Variants in ZNF710 observed in about 807,000 individuals in gnomAD.
The protein encoded by ZNF710 is zinc finger protein 710.
Under a neutral mutation model 50.6 loss-of-function variants are expected in ZNF710, and 13 were observed. The observed-to-expected ratio is 0.26, with a 90% CI of 0.17 to 0.41. The LOEUF is 0.41. Among genes scored for constraint, ZNF710 ranks in the 10% least tolerant of loss-of-function variants. ZNF710 has a pLI of 1.00. For synonymous variants in ZNF710, 383 were observed against 397.0 expected (o/e 0.96, Z 0.42); for missense variants, 721 against 936.6 (o/e 0.77, Z 3.01).
intron 1 of ZNF710, among the ~76,000 whole-genome samples, chr15:90,035,549 G>T (rs1341014085): frequency 6.6e-6 from 1 of 152,244 alleles, no homozygotes; most frequent in Non-Finnish European, 1.5e-5. Context: ...CTAACATCCG[G>T]CAGACCCTGG....
At chr15:90,065,297 G>A (rs894925004) in intron 1 of ZNF710, among the ~76,000 whole-genome samples, 6 of 152,234 alleles carry the variant, frequency 3.9e-5, no homozygotes, top group South Asian at 2.1e-4. Context: ...GTGCCTGACC[G>A]TGGCCCTGGG....
In ZNF710 at chr15:90,034,803, C is replaced by G. The variant is rs1596279058; in HGVS notation, c.-28-32307C>G. Among the ~76,000 whole-genome samples the G allele has an allele frequency of 6.6e-6, 1 of 152,224 alleles. No individual in the cohort carries two copies. Among genetic ancestry groups the G allele is most frequent in the African/African-American group, 2.4e-5 (1 of 41,458 alleles). On this transcript the variant is annotated intron_variant, in intron 1 of 4. Transcript: ENST00000268154. This position sits in a 1 kb window ranked among gnomAD's most constrained non-coding sequence, Gnocchi z 4.0. Reference sequence around the variant, plus strand: ...CTGCAGGTGCATTTCCTTTGCACACCTGGCGCCTGTTGGGGACTTAGACCT... The same window carrying G: ...CTGCAGGTGCATTTCCTTTGCACACGTGGCGCCTGTTGGGGACTTAGACCT...
chr15:90,037,744 TG>T (rs569669423), intron 1 of ZNF710, among the ~76,000 whole-genome samples: 224 of 152,322 alleles, frequency 1.5e-3, no homozygotes, highest in Middle Eastern at 3.4e-3. Flanking sequence ...CTCTGACCTT[TG>T]GATGTGGGGT....
intron 1 of ZNF710, among the ~76,000 whole-genome samples, chr15:90,038,548 A>G (rs1899200144): frequency 6.6e-6 from 1 of 152,200 alleles, no homozygotes; most frequent in African/African-American, 2.4e-5. Context: ...AGAAATTACC[A>G]CTGTCCAATA....
At chr15:90,051,261 C>T (rs957512194) in intron 1 of ZNF710, among the ~76,000 whole-genome samples, 2 of 149,850 alleles carry the variant, frequency 1.3e-5, no homozygotes, top group Admixed American at 6.7e-5. Flanking sequence ...AAAAAATTAG[C>T]GGTCACTCCC....
chr15:90,013,177 C>T (rs1468397976), intron 1 of ZNF710, among the ~76,000 whole-genome samples: 1 of 152,174 alleles, frequency 6.6e-6, no homozygotes, highest in Non-Finnish European at 1.5e-5. Context: ...CGGCTTGCTG[C>T]AACCTCCACC....
intron 1 of ZNF710, among the ~76,000 whole-genome samples, chr15:90,038,847 T>TA (rs1899212604): frequency 6.6e-6 from 1 of 152,154 alleles, no homozygotes; most frequent in African/African-American, 2.4e-5. Flanking sequence ...ACTCACCTGA[T>TA]AATTGCTTCA....
chr15:90,062,377 G>A lies in ZNF710; in HGVS notation c.-28-4733G>A, dbSNP rs1900038347. Among the ~76,000 whole-genome samples, 1 of 152,180 alleles carries A rather than the reference G, an allele frequency of 6.6e-6. No homozygotes were observed. Among genetic ancestry groups the A allele is most frequent in the Admixed American group, 6.5e-5 (1 of 15,278 alleles). On this transcript the variant is annotated intron_variant, in intron 1 of 4. Coordinates refer to ENST00000268154, the MANE Select transcript of ZNF710 (RefSeq NM_198526.4). This position sits in a 1 kb window ranked among gnomAD's most constrained non-coding sequence, Gnocchi z 5.6. ...TGGTGGGAGGCCACGCCACATCCCAGCCAGTGGTCGCCCCTCATCTTGCCA... is the reference window on the plus strand; with the variant it reads ...TGGTGGGAGGCCACGCCACATCCCAACCAGTGGTCGCCCCTCATCTTGCCA...
At chr15:90,048,909 C>A (rs1899551270) in intron 1 of ZNF710, among the ~76,000 whole-genome samples, 1 of 152,200 alleles carries the variant, frequency 6.6e-6, no homozygotes, top group African/African-American at 2.4e-5. Flanking sequence ...CCCGTGTGGA[C>A]CAAGGACTTG....
chr15:90,071,540 T>G (rs1190064028), intron 2 of ZNF710, among the ~76,000 whole-genome samples: 1 of 152,040 alleles, frequency 6.6e-6, no homozygotes, highest in East Asian at 1.9e-4. Flanking sequence ...ATACAAAGTT[T>G]TTATACCAAA....
In ZNF710 at chr15:90,081,844, C is replaced by T. The variant is rs1900729061; in HGVS notation, c.*2015C>T. 1 of 152,376 alleles carries T rather than the reference C, an allele frequency of 6.6e-6. No individual in the cohort carries two copies. Among genetic ancestry groups the T allele is most frequent in the African/African-American group, 2.4e-5 (1 of 41,470 alleles). The allele number at this position is 152,376 out of a possible 1,614,324, so 9.4% of individuals were successfully genotyped here. On this transcript the variant is annotated 3_prime_UTR_variant, in exon 5 of 5. Transcript: ENST00000268154. Reference sequence around the variant, plus strand: ...GGCTCTCCTTTCCCTCCCCCAGCCCCGCCGTCAGCACTGGCCCTCTGTGAG... The same window carrying T: ...GGCTCTCCTTTCCCTCCCCCAGCCCTGCCGTCAGCACTGGCCCTCTGTGAG...
At chr15:90,054,860 C>T (rs1375244483) in intron 1 of ZNF710, among the ~76,000 whole-genome samples, 1 of 152,174 alleles carries the variant, frequency 6.6e-6, no homozygotes, top group Admixed American at 6.5e-5. Flanking sequence ...TGCTGCCCCT[C>T]CCCCTCGGAA....
chr15:90,008,439 T>TATATACAC (rs1898200991), intron 1 of ZNF710, among the ~76,000 whole-genome samples: 1 of 140,136 alleles, frequency 7.1e-6, no homozygotes, highest in African/African-American at 2.9e-5. Context: ...TATATATATA[T>TATATACAC]ACATATATAT....
At chr15:90,000,136 A>AAC (rs1479233140), upstream of ZNF710, among the ~76,000 whole-genome samples, 6 of 151,988 alleles carry the variant, frequency 3.9e-5, no homozygotes, top group East Asian at 1.2e-3. Context: ...AAATGTGACC[A>AAC]ACTTTGCTTT....
At chr15:90,072,939 C>A in intron 2 of ZNF710, 132 bp from the exon 3 acceptor site, 1 of 971,488 alleles carries the variant, frequency 1.0e-6, no homozygotes, top group South Asian at 1.7e-5. Flanking sequence ...GGAATACCCT[C>A]AAAAAGAGAC....
intron 1 of ZNF710, among the ~76,000 whole-genome samples, chr15:90,010,607 G>C (rs1189343217): frequency 6.6e-6 from 1 of 152,072 alleles, no homozygotes; most frequent in East Asian, 1.9e-4. Context: ...ACAGGATGCA[G>C]ATTTCTTTCT....
At chr15:90,028,647 A>G (rs1268768434) in intron 1 of ZNF710, among the ~76,000 whole-genome samples, 1 of 152,166 alleles carries the variant, frequency 6.6e-6, no homozygotes, top group Non-Finnish European at 1.5e-5. Flanking sequence ...ATTACCTGAC[A>G]TTTGCCTCTT....
rs761564744 is a variant in ZNF710 at position 90,062,989 on chromosome 15, C to T, written c.-28-4121C>T. On this transcript the variant is annotated intron_variant, in intron 1 of 4. Coordinates refer to ENST00000268154, the MANE Select transcript of ZNF710 (RefSeq NM_198526.4). The surrounding 1 kb of genome is among the most constrained non-coding windows in gnomAD (Gnocchi z 5.6). The stretch of plus-strand genomic sequence containing the variant: ...GTCTCCAGGCCAGTGTAAAAGAAAG[C>T]GTGGGGCCAACTGCCCAGGTGGGCA... Among the ~76,000 whole-genome samples the T allele has an allele frequency of 6.6e-6, 1 of 152,122 alleles. No homozygotes were observed. The highest frequency in any genetic ancestry group is 1.5e-5 in the Non-Finnish European group (1 of 68,008).
Position 90,046,249 on chromosome 15 carries a change from G to A in ZNF710, c.-28-20861G>A, listed in dbSNP as rs1409287491. 7.9e-5 allele frequency among the ~76,000 whole-genome samples: 12 copies of A among 152,338 alleles called. No individual in the cohort carries two copies. In the South Asian group the frequency reaches 2.3e-3, roughly 29 times the overall value. On this transcript the variant is annotated intron_variant, in intron 1 of 4. Transcript: ENST00000268154. Reference sequence around the variant, plus strand: ...ACCCTCCCAAGGCAGAACCCTGTGTGCCCTTCCTCCTGCGTACCCAGCTCA... The same window carrying A: ...ACCCTCCCAAGGCAGAACCCTGTGTACCCTTCCTCCTGCGTACCCAGCTCA...
Sources: gnomAD v4.1 joint callset for allele counts (sites outside exome capture counted in the v4.1 genomes callset) on GRCh38, gnomAD v4.1.1 for gene constraint, Gnocchi (gnomAD v3.1) non-coding constraint, MANE v1.5 for transcripts, NCBI Gene and HGNC (gene_info 2026-07-23, HGNC 2026-07-21) for gene names.